The following PNPLA6 variants were observed in gnomAD, a reference collection of about 807,000 sequenced individuals.
The protein encoded by PNPLA6 is patatin-like phospholipase domain-containing protein 6.
In PNPLA6, 105 loss-of-function variants were observed where a neutral mutation model predicts 153.7. The ratio of observed to expected loss-of-function variants is 0.68; its 90% confidence interval spans 0.58 to 0.80. The LOEUF is 0.80. Ranked by LOEUF, PNPLA6 falls within the 30% of genes least tolerant of loss-of-function variation. PNPLA6 has a pLI of 0.00. For synonymous variants in PNPLA6, 825 were observed against 822.2 expected (o/e 1.00, Z -0.06); for missense variants, 1,423 against 1,919.3 (o/e 0.74, Z 4.83).
At position 7,535,936 on chromosome 19, in the gene PNPLA6, C is replaced by T. The variant is rs770929257; in HGVS notation, c.148C>T (p.Leu50Phe). Reference protein sequence around the residue: ...AQPVPFVPQVLGVMIGAGVAV... With the variant: ...AQPVPFVPQVFGVMIGAGVAV... ...GCCAGTGCCGTTCGTCCCTCAGGTG[C>T]TTGGCGTGATGATCGGGGCCGGAGT... Residue 50 changes from leucine to phenylalanine, a missense_variant, in exon 1 of 32, where the codon CTT becomes TTT. Physicochemically the swap from Leu to Phe is conservative, Grantham distance 22. This residue lies in a region of PNPLA6 where 109 missense variants were observed against 109.4 expected (regional missense o/e 1.00). Coordinates refer to ENST00000600737, the MANE Select transcript of PNPLA6 (RefSeq NM_001166114.2). The surrounding 1 kb of genome is among the most constrained non-coding windows in gnomAD (Gnocchi z 5.0). 41 of 1,583,480 alleles carry T rather than the reference C, an allele frequency of 2.6e-5. No individual in the cohort carries two copies. In the South Asian group the frequency reaches 3.7e-4, roughly 14 times the overall value.
At position 7,550,598 on chromosome 19, in the gene PNPLA6, G is replaced by A. The variant is rs779751590; in HGVS notation, c.2028G>A (p.Lys676=). The A allele has an allele frequency of 4.3e-6, 7 of 1,612,872 alleles. No individual in the cohort carries two copies. The East Asian group carries it at 1.1e-4, about 26-fold the overall frequency. ...RSVIQRGSGK[K]ELVGEYGRGD... is the part of the protein sequence containing the mutation. ...TGATCCAGCGAGGCAGTGGCAAGAA[G>A]GAGCTGGTGGGCGAGTACGGCCGCG... The change falls in exon 16 of 32, where the codon AAG becomes AAA. Residue 676 remains lysine (K), a synonymous_variant. Coordinates refer to ENST00000600737, the MANE Select transcript of PNPLA6 (RefSeq NM_001166114.2).
chr19:7,560,953 C>T lies in PNPLA6; in HGVS notation c.3817-61C>T, dbSNP rs2024072981. 14 of 1,071,744 alleles carry T rather than the reference C, an allele frequency of 1.3e-5. No homozygotes were observed. In the East Asian group the frequency reaches 3.6e-4, roughly 28 times the overall value. The allele number at this position is 1,071,744 out of a possible 1,614,324, so 66.4% of individuals were successfully genotyped here. On this transcript the variant is annotated intron_variant, in intron 29 of 31. Transcript: ENST00000600737. The stretch of plus-strand genomic sequence containing the variant: ...TGAGCCCCCAATGCACCACTGGGCC[C>T]CCCAGGGGCCCCAAGACTCTGTGGG...
At chr19:7,557,016 C>A in intron 26 of PNPLA6, 152 bp from the exon 27 acceptor site, 3 of 782,666 alleles carry the variant, frequency 3.8e-6, no homozygotes, top group South Asian at 2.7e-5. Flanking sequence ...CCCCTACCTG[C>A]CCCCACTGTG....
intron 16 of PNPLA6, 170 bp from the exon 17 acceptor site, chr19:7,550,824 C>G: frequency 1.1e-6 from 1 of 929,424 alleles, no homozygotes. Context: ...TGTCGTGGAT[C>G]CCTGTCCTCT....
chr19:7,547,053 C>T (rs1033117407), intron 13 of PNPLA6, among the ~76,000 whole-genome samples: 5 of 151,980 alleles, frequency 3.3e-5, no homozygotes, highest in East Asian at 1.9e-4. Flanking sequence ...TACAGGCACA[C>T]GCTGCCACGC....
intron 18 of PNPLA6, among the ~76,000 whole-genome samples, chr19:7,552,070 A>G (rs969457654): frequency 6.6e-6 from 1 of 152,150 alleles, no homozygotes; most frequent in Non-Finnish European, 1.5e-5. Flanking sequence ...TGATCGTGCC[A>G]CTGTACTCCA....
rs771019262 is a variant in PNPLA6, at chr19:7,535,826, C to A, written c.38C>A (p.Ser13Ter). Residue 13 changes from serine (S) to a stop codon, truncating the protein, a stop_gained, in exon 1 of 32, where the codon TCG (serine) becomes TAG (stop). Coordinates refer to ENST00000600737, the MANE Select transcript of PNPLA6 (RefSeq NM_001166114.2). LOFTEE classifies it high-confidence loss of function. This position sits in a 1 kb window ranked among gnomAD's most constrained non-coding sequence, Gnocchi z 5.0. ...TSSHGLATNS[S>*]GAKVAERDGF... ...AGTCACGGGCTGGCTACGAACTCCTCGGGGGCGAAGGTGGCGGAGAGGGAT... is the reference window on the plus strand; with the variant it reads ...AGTCACGGGCTGGCTACGAACTCCTAGGGGGCGAAGGTGGCGGAGAGGGAT... The A allele has an allele frequency of 1.0e-4, 155 of 1,536,846 alleles. No homozygotes were observed. The highest frequency in any genetic ancestry group is 1.3e-4 in the Non-Finnish European group (147 of 1,146,822).
chr19:7,557,132 CTGTGCGTGTT>C (rs1568422163), intron 26 of PNPLA6, 26 bp from the exon 27 acceptor site: 2 of 1,467,266 alleles, frequency 1.4e-6, no homozygotes. Flanking sequence ...CTGAGCGTGT[CTGTGCGTGTT>C]TGTGTCTGTG....
chr19:7,541,386 C>T lies in PNPLA6; in HGVS notation c.957C>T (p.Phe319=), dbSNP rs2023132529. The T allele has an allele frequency of 6.2e-7, 1 of 1,614,048 alleles. No individual in the cohort carries two copies. The highest frequency in any genetic ancestry group is 8.5e-7 in the Non-Finnish European group (1 of 1,179,964). ...IIMVRLQRVT[F]LALHNYLGLT... ...TGGTGCGGCTGCAGCGAGTCACCTTCCTGGCACTGCACAACTACCTGGGTC... is the reference window on the plus strand; with the variant it reads ...TGGTGCGGCTGCAGCGAGTCACCTTTCTGGCACTGCACAACTACCTGGGTC... Residue 319 remains phenylalanine (F), a synonymous_variant, in exon 8 of 32, where the codon TTC becomes TTT. Transcript: ENST00000600737. This position sits in a 1 kb window ranked among gnomAD's most constrained non-coding sequence, Gnocchi z 5.2.
chr19:7,551,923 T>C (rs943867298), intron 18 of PNPLA6, among the ~76,000 whole-genome samples: 1 of 151,640 alleles, frequency 6.6e-6, no homozygotes, highest in African/African-American at 2.4e-5. Context: ...CTGGGCAACA[T>C]AGTAGGACCC....
chr19:7,541,943 T>A lies in PNPLA6; in HGVS notation c.1169-41T>A. ...TCTCCCAACCTGCTAATCCTCCTAG[T>A]GGCTCTGAGGGGCAGGAGCCTGAAC... On this transcript the variant is annotated intron_variant, in intron 9 of 31. Coordinates refer to ENST00000600737, the MANE Select transcript of PNPLA6 (RefSeq NM_001166114.2). This position sits in a 1 kb window ranked among gnomAD's most constrained non-coding sequence, Gnocchi z 5.2. The A allele has an allele frequency of 6.6e-7, 1 of 1,523,030 alleles. No individual in the cohort carries two copies. The highest frequency in any genetic ancestry group is 9.1e-7 in the Non-Finnish European group (1 of 1,103,928). The allele number at this position is 1,523,030 out of a possible 1,614,324, so 94.3% of individuals were successfully genotyped here. A position where few individuals can be genotyped will look rare whatever the true frequency, so the allele number is the denominator to read the frequency against.
In PNPLA6 at chr19:7,554,377, T is replaced by A. The variant is rs983555203; in HGVS notation, c.2465+105T>A. The A allele has an allele frequency of 5.1e-5, 66 of 1,282,412 alleles. 2 individuals carry two copies. In the Middle Eastern group the frequency reaches 1.1e-3, roughly 21 times the overall value. 79.4% of individuals were successfully genotyped at this position (1,282,412 alleles called of 1,614,324 possible). ...TTGGCTTCCAACCACGGAGCCTGCG[T>A]CTTACCCATAGGTCAATGGGGAGAT... On this transcript the variant is annotated intron_variant, in intron 20 of 31. Coordinates refer to ENST00000600737, the MANE Select transcript of PNPLA6 (RefSeq NM_001166114.2).
chr19:7,535,611 G>T, upstream of PNPLA6: 1 of 1,592,848 alleles, frequency 6.3e-7, no homozygotes. This position sits in a 1 kb window ranked among gnomAD's most constrained non-coding sequence, Gnocchi z 5.0. Flanking sequence ...GTAGGTGCCG[G>T]CGTGGGGCGC....
In PNPLA6 at chr19:7,555,379, G is replaced by A. The variant is rs1313131865; in HGVS notation, c.2936+12G>A. 6.6e-7 allele frequency: 1 copy of A among 1,510,596 alleles called. No homozygotes were observed. Among genetic ancestry groups the A allele is most frequent in the Non-Finnish European group, 9.0e-7 (1 of 1,114,712 alleles). The allele number at this position is 1,510,596 out of a possible 1,614,324, so 93.6% of individuals were successfully genotyped here. ...GGGGGCGGGGCCAGGTGAGGGCGGG[G>A]CTTGCTCTCTGGGGGCGGGGCCTGG... On this transcript the variant is annotated intron_variant, in intron 23 of 31. Transcript: ENST00000600737. This position sits in a 1 kb window ranked among gnomAD's most constrained non-coding sequence, Gnocchi z 6.3.
Position 7,540,913 on chromosome 19 carries a change from C to T in PNPLA6, c.796-10C>T, listed in dbSNP as rs2023105119. On this transcript the variant is annotated splice_polypyrimidine_tract_variant and intron_variant, in intron 6 of 31. Transcript: ENST00000600737. This position sits in a 1 kb window ranked among gnomAD's most constrained non-coding sequence, Gnocchi z 6.8. ...GCCCTTGTCTCTCTTCACGCCCTCC[C>T]CTCCCCCAGGGTCACCAGCATCCCC... is the stretch of plus-strand genomic sequence containing the variant. 5.0e-6 allele frequency: 8 copies of T among 1,613,030 alleles called. No individual in the cohort carries two copies. The highest frequency in any genetic ancestry group is 6.8e-6 in the Non-Finnish European group (8 of 1,179,916).
intron 30 of PNPLA6, 22 bp from the exon 31 acceptor site, chr19:7,561,186 G>C (rs367788123): frequency 1.1e-4 from 168 of 1,595,624 alleles, no homozygotes; most frequent in East Asian, 9.9e-4. Context: ...CCCCTCACCT[G>C]TGCCCTGCTC....
Position 7,556,531 on chromosome 19 carries a change from C to G in PNPLA6, c.3172C>G (p.Arg1058Gly). 1 of 1,613,656 alleles carries G rather than the reference C, an allele frequency of 6.2e-7. No individual in the cohort carries two copies. Among genetic ancestry groups the G allele is most frequent in the Non-Finnish European group, 8.5e-7 (1 of 1,179,616 alleles). The change falls in exon 25 of 32, where the codon CGC (arginine) becomes GGC (glycine). Residue 1058 changes from arginine to glycine, a missense_variant. Arg to Gly is a moderately radical substitution (Grantham distance 125, BLOSUM62 -2). Coordinates refer to ENST00000600737, the MANE Select transcript of PNPLA6 (RefSeq NM_001166114.2). ...TSMFTGSAFN[R>G]SIHRVFQDKQ... ...CATGTTCACTGGGTCTGCCTTTAAC[C>G]GCAGCATCCATCGGGTCTTCCAGGA...
In PNPLA6 at chr19:7,554,195, C is replaced by T; in HGVS notation, c.2402-14C>T. 1 of 1,613,558 alleles carries T rather than the reference C, an allele frequency of 6.2e-7. No homozygotes were observed. Among genetic ancestry groups the T allele is most frequent in the Non-Finnish European group, 8.5e-7 (1 of 1,179,486 alleles). The stretch of plus-strand genomic sequence containing the variant: ...GACCATGGTTCCCAGCCTCCCTTCC[C>T]CACCTACCCCTAGGTCCGACGCTAC... On this transcript the variant is annotated splice_polypyrimidine_tract_variant and intron_variant, in intron 19 of 31. Coordinates refer to ENST00000600737, the MANE Select transcript of PNPLA6 (RefSeq NM_001166114.2).
chr19:7,541,483 C>G lies in PNPLA6; in HGVS notation c.1006-39C>G. The G allele has an allele frequency of 6.2e-7, 1 of 1,612,408 alleles. No individual in the cohort carries two copies. Among genetic ancestry groups the G allele is most frequent in the Non-Finnish European group, 8.5e-7 (1 of 1,179,226 alleles). On this transcript the variant is annotated intron_variant, in intron 8 of 31. Transcript: ENST00000600737. This position sits in a 1 kb window ranked among gnomAD's most constrained non-coding sequence, Gnocchi z 5.2. ...CACAGGGGGGATGGGGGCGAGGTCT[C>G]CCTCCCAGGACAGGCCACAAGCTGT...
Sources: allele counts gnomAD v4.1 joint callset (sites outside exome capture counted in the v4.1 genomes callset), GRCh38; gene constraint gnomAD v4.1.1; regional missense constraint gnomAD v4.1.1; non-coding constraint Gnocchi (gnomAD v3.1); transcripts MANE v1.5; gene names NCBI Gene and HGNC (gene_info 2026-07-23, HGNC 2026-07-21).